RB1CC1: variants seen among roughly 807,000 people sequenced by gnomAD.
RB1CC1 encodes RB1-inducible coiled-coil protein 1.
In RB1CC1, 46 loss-of-function variants were observed where a neutral mutation model predicts 177.5. The ratio of observed to expected loss-of-function variants is 0.26; its 90% CI spans 0.20 to 0.33. The LOEUF is 0.33. Among genes scored for constraint, RB1CC1 ranks in the 10% least tolerant of loss-of-function variants. RB1CC1 has a pLI of 1.00. For synonymous variants in RB1CC1, 666 were observed against 613.6 expected (o/e 1.09, Z -1.26); for missense variants, 1,703 against 1,816.3 (o/e 0.94, Z 1.13).
chr8:52,647,909 A>G (rs1269200188), intron 15 of RB1CC1, among the ~76,000 whole-genome samples: 2 of 152,168 alleles, frequency 1.3e-5, no homozygotes, highest in Non-Finnish European at 2.9e-5. Flanking sequence ...AGCTTTCAAC[A>G]TGATAAAGGA....
In RB1CC1 at chr8:52,683,973, T is replaced by A. The variant is rs966540428; in HGVS notation, c.112A>T (p.Ile38Phe). Residue 38 changes from isoleucine to phenylalanine, a missense_variant, in exon 4 of 24, where the codon ATT (isoleucine) becomes TTT (phenylalanine). This residue lies in a region of RB1CC1 where 118 missense variants were observed against 121.2 expected (regional missense o/e 0.97). Coordinates refer to ENST00000025008, the MANE Select transcript of RB1CC1 (RefSeq NM_014781.5). ...ACCAGCACCTGGTGTTGAATAGCAA[T>A]CTTGTATTTGCTTTGAATGGCATGC... is the stretch of plus-strand genomic sequence containing the variant. ...LKHAIQSKYK[I>F]AIQHQVLVVN... 5 of 1,613,908 alleles carry A rather than the reference T, an allele frequency of 3.1e-6. No homozygotes were observed. The highest frequency in any genetic ancestry group is 4.2e-6 in the Non-Finnish European group (5 of 1,180,006).
Position 52,698,370 on chromosome 8 carries a change from T to A in RB1CC1, c.-166-11403A>T, listed in dbSNP as rs139994958. On this transcript the variant is annotated intron_variant, in intron 1 of 23. Transcript: ENST00000025008. ...CGGAGTCTCGCTCTGTCGCCCAGGC[T>A]GGAGTACAGTGGCGCCATCTTGGCT... Among the ~76,000 whole-genome samples the A allele has an allele frequency of 1.1e-3, 162 of 152,194 alleles. 3 individuals carry two copies. The highest frequency in any genetic ancestry group is 3.8e-3 in the African/African-American group (156 of 41,520).
At position 52,685,535 on chromosome 8, in the gene RB1CC1, A is replaced by G; in HGVS notation, c.-51-15T>C. The G allele has an allele frequency of 1.0e-6, 1 of 983,210 alleles. No individual in the cohort carries two copies. The highest frequency in any genetic ancestry group is 2.2e-5 in the Admixed American group (1 of 46,016). 60.9% of individuals were successfully genotyped at this position (983,210 alleles called of 1,614,324 possible). ...TGATACAGTTACTAGAAGAAACAAG[A>G]GAAGTGATCAATTTTACAAATGCAA... On this transcript the variant is annotated splice_polypyrimidine_tract_variant and intron_variant, in intron 2 of 23. Transcript: ENST00000025008.
At chr8:52,687,310 T>C (rs113887028) in intron 1 of RB1CC1, among the ~76,000 whole-genome samples, 27 of 152,264 alleles carry the variant, frequency 1.8e-4, no homozygotes, top group East Asian at 7.7e-4. Context: ...ACAACTGTTT[T>C]GGCTTCCTCT....
At chr8:52,631,422 G>A (rs1337261544) in intron 20 of RB1CC1, among the ~76,000 whole-genome samples, 3 of 152,124 alleles carry the variant, frequency 2.0e-5, no homozygotes, top group Non-Finnish European at 4.4e-5. Context: ...GTATAATGCA[G>A]CAAGCAAAGA....
chr8:52,705,508 G>A (rs1228610131), intron 1 of RB1CC1, among the ~76,000 whole-genome samples: 1 of 151,990 alleles, frequency 6.6e-6, no homozygotes, highest in African/African-American at 2.4e-5. Context: ...AATATAAACT[G>A]GTATAACTTT....
chr8:52,697,214 GAC>G (rs910716838), intron 1 of RB1CC1, among the ~76,000 whole-genome samples: 2 of 137,826 alleles, frequency 1.5e-5, no homozygotes, highest in East Asian at 2.1e-4. Flanking sequence ...TAAAGAAAAA[GAC>G]AAACATTATG....
intron 22 of RB1CC1, among the ~76,000 whole-genome samples, chr8:52,626,060 T>C (rs1434962567): frequency 1.3e-5 from 2 of 152,164 alleles, no homozygotes; most frequent in Non-Finnish European, 2.9e-5. Flanking sequence ...AAACTAGCAC[T>C]TCACAGCCAA....
Position 52,645,824 on chromosome 8 carries a change from C to T in RB1CC1, c.3865G>A (p.Ala1289Thr), listed in dbSNP as rs779884079. The T allele has an allele frequency of 4.3e-6, 7 of 1,609,892 alleles. No individual in the cohort carries two copies. The highest frequency in any genetic ancestry group is 5.9e-6 in the Non-Finnish European group (7 of 1,178,974). The change falls in exon 16 of 24, where the codon GCT becomes ACT. Residue 1289 changes from alanine (A) to threonine (T), a missense_variant. By Grantham distance (58) the Ala-to-Thr change is moderately conservative. This residue lies in a region of RB1CC1 where 1,169 missense variants were observed against 1,184.7 expected (regional missense o/e 0.99). Coordinates refer to ENST00000025008, the MANE Select transcript of RB1CC1 (RefSeq NM_014781.5). ...STRGDSSSLVAELQEKLQEEK... is the reference protein window; with the variant it reads ...STRGDSSSLVTELQEKLQEEK... ...TCCTGAAGCTTTTCTTGAAGTTCAG[C>T]AACTAAGCTTGAAGAATCTCCTCTG... is the stretch of plus-strand genomic sequence containing the variant.
chr8:52,687,824 C>T (rs1415363235), intron 1 of RB1CC1, among the ~76,000 whole-genome samples: 3 of 152,140 alleles, frequency 2.0e-5, no homozygotes, highest in Non-Finnish European at 4.4e-5. Context: ...ATTTATGTTG[C>T]TTCAAACAAT....
Position 52,656,869 on chromosome 8 carries a change from T to G in RB1CC1, c.2960A>C (p.His987Pro). The G allele has an allele frequency of 6.2e-7, 1 of 1,613,586 alleles. No homozygotes were observed. The highest frequency in any genetic ancestry group is 8.5e-7 in the Non-Finnish European group (1 of 1,179,974). Residue 987 changes from histidine (H) to proline (P), a missense_variant, in exon 15 of 24, where the codon CAT (histidine) becomes CCT (proline). By Grantham distance (77) the His-to-Pro change is moderately conservative. Coordinates refer to ENST00000025008, the MANE Select transcript of RB1CC1 (RefSeq NM_014781.5). ...AAGTGTGTCCTCTAATTCCTTTAGA[T>G]GACTTTGCTCCAAGGACTGAAGTTC... ...RAELQSLEQS[H>P]LKELEDTLQV...
At chr8:52,713,285 T>TA (rs1459972143) in intron 1 of RB1CC1, among the ~76,000 whole-genome samples, 3 of 152,174 alleles carry the variant, frequency 2.0e-5, no homozygotes, top group Admixed American at 1.3e-4. Context: ...GACCACACTT[T>TA]AAAGAGTCAT....
chr8:52,665,060 AAC>A (rs1372489983), intron 8 of RB1CC1, among the ~76,000 whole-genome samples: 1 of 152,174 alleles, frequency 6.6e-6, no homozygotes, highest in Non-Finnish European at 1.5e-5. Flanking sequence ...CAATCTGAGA[AAC>A]AGTTATAAAG....
chr8:52,710,412 C>CA, intron 1 of RB1CC1, among the ~76,000 whole-genome samples: 1 of 152,016 alleles, frequency 6.6e-6, no homozygotes, highest in Non-Finnish European at 1.5e-5. Context: ...ACTTTTAAAA[C>CA]AAAAATGAAA....
chr8:52,675,722 A>C (rs1379782181), intron 6 of RB1CC1, among the ~76,000 whole-genome samples: 20 of 149,036 alleles, frequency 1.3e-4, no homozygotes, highest in Middle Eastern at 3.2e-3. Flanking sequence ...TCCAAAAAAA[A>C]AAAAAAAAAA....
chr8:52,684,728 T>TA (rs1324129652), intron 3 of RB1CC1, among the ~76,000 whole-genome samples: 1 of 152,168 alleles, frequency 6.6e-6, no homozygotes, highest in Non-Finnish European at 1.5e-5. Context: ...ATGGAAGTGA[T>TA]ATACATTGTT....
At position 52,645,855 on chromosome 8, in the gene RB1CC1, G is replaced by C. The variant is rs778804331; in HGVS notation, c.3834C>G (p.Asp1278Glu). 1 of 1,594,022 alleles carries C rather than the reference G, an allele frequency of 6.3e-7. No homozygotes were observed. The highest frequency in any genetic ancestry group is 8.5e-7 in the Non-Finnish European group (1 of 1,174,946). The change falls in exon 16 of 24, where the codon GAC becomes GAG. Residue 1278 changes from aspartate to glutamate, a missense_variant. Physicochemically the swap from Asp to Glu is conservative, Grantham distance 45. Transcript: ENST00000025008. ...AGCTTGAAGAATCTCCTCTGGTAGA[G>C]TCAATGGCAGGACTTACAAATTAAA... ...ENQIAKSPAI[D>E]STRGDSSSLV...
chr8:52,662,851 C>G (rs1218614435), intron 8 of RB1CC1, among the ~76,000 whole-genome samples: 1 of 151,774 alleles, frequency 6.6e-6, no homozygotes, highest in Non-Finnish European at 1.5e-5. Context: ...ATAATGTAAT[C>G]TATTAAAAAA....
intron 7 of RB1CC1, among the ~76,000 whole-genome samples, chr8:52,668,497 T>C (rs1852270486): frequency 1.3e-5 from 2 of 152,238 alleles, no homozygotes; most frequent in Admixed American, 1.3e-4. Context: ...AATGTCAGCA[T>C]AATATCATTA....
Sources: gnomAD v4.1 joint callset for allele counts (sites outside exome capture counted in the v4.1 genomes callset) on GRCh38, gnomAD v4.1.1 for gene constraint, gnomAD v4.1.1 regional missense constraint, MANE v1.5 for transcripts, NCBI Gene and HGNC (gene_info 2026-07-23, HGNC 2026-07-21) for gene names.